ADK: variants seen among roughly 807,000 people sequenced by gnomAD.
ADK encodes the protein N6,N6-dimethyladenosine kinase.
In ADK, 24 loss-of-function variants were observed where a neutral mutation model predicts 44.7. The observed-to-expected ratio is 0.54, with a 90% confidence interval of 0.39 to 0.76. The LOEUF (loss-of-function observed/expected upper bound fraction) is 0.76. ADK is among the 30% of genes least tolerant of loss of function. ADK has a pLI of 0.00. For synonymous variants in ADK, 128 were observed against 142.6 expected, an observed-to-expected ratio of 0.90 and a Z score of 0.73; for missense variants, 321 against 425.1, an observed-to-expected ratio of 0.76 and a Z score of 2.15.
chr10:74,305,318 G>A (rs1398749617), intron 3 of ADK, among the ~76,000 whole-genome samples: 2 of 152,138 alleles, frequency 1.3e-5, no homozygotes, highest in South Asian at 2.1e-4. Flanking sequence ...CTGACAGAGC[G>A]TTTGCTTCTA....
chr10:74,476,008 T>C (rs931597326), intron 6 of ADK, among the ~76,000 whole-genome samples: 1 of 152,174 alleles, frequency 6.6e-6, no homozygotes, highest in Admixed American at 6.5e-5. Context: ...CTGTTACCTA[T>C]GTGTGTTTAT....
chr10:74,461,453 A>T (rs1204615240), intron 6 of ADK, among the ~76,000 whole-genome samples: 1 of 152,130 alleles, frequency 6.6e-6, no homozygotes, highest in East Asian at 1.9e-4. Flanking sequence ...CTGATTTGAA[A>T]TGTGACTTAT....
chr10:74,224,248 C>A (rs10824119), intron 2 of ADK, among the ~76,000 whole-genome samples: 1 of 152,060 alleles, frequency 6.6e-6, no homozygotes, highest in Non-Finnish European at 1.5e-5. Flanking sequence ...TGTAGTTGTT[C>A]CATCAGTTTT....
intron 8 of ADK, among the ~76,000 whole-genome samples, chr10:74,597,133 T>C (rs927891670): frequency 1.1e-4 from 17 of 152,212 alleles, no homozygotes; most frequent in Admixed American, 1.0e-3. Context: ...TTTTAGAGAG[T>C]ATTAAAATGA....
chr10:74,525,436 C>T lies in ADK; in HGVS notation c.726+10C>T, dbSNP rs779381954. ...TTTTGGAAATGAGACAGTGAGTTAC[C>T]TTTCCTTTTTCAAAAGAACCTGGGG... is the stretch of plus-strand genomic sequence containing the variant. On this transcript the variant is annotated intron_variant, in intron 7 of 10. Transcript: ENST00000539909. The T allele has an allele frequency of 6.2e-7, 1 of 1,607,366 alleles. No homozygotes were observed. The highest frequency in any genetic ancestry group is 1.1e-5 in the South Asian group (1 of 90,916).
chr10:74,387,094 G>A (rs971417900), intron 4 of ADK, among the ~76,000 whole-genome samples: 8 of 152,204 alleles, frequency 5.3e-5, no homozygotes, highest in Non-Finnish European at 8.8e-5. Flanking sequence ...GTGCCACCAC[G>A]CCTGGGTAAT....
At chr10:74,605,704 TC>T (rs1362556491) in intron 9 of ADK, among the ~76,000 whole-genome samples, 2 of 152,188 alleles carry the variant, frequency 1.3e-5, no homozygotes, top group African/African-American at 4.8e-5. Context: ...CCTGAAATTT[TC>T]TTTTTTTGTT....
At chr10:74,528,105 A>G (rs1284235307) in intron 7 of ADK, 19 of 1,092,316 alleles carry the variant, frequency 1.7e-5, no homozygotes, top group African/African-American at 3.1e-5. Context: ...TATGTCCATG[A>G]TCCTTATCAG....
At chr10:74,654,369 A>T (rs1004197457) in intron 9 of ADK, among the ~76,000 whole-genome samples, 3 of 152,212 alleles carry the variant, frequency 2.0e-5, no homozygotes. Flanking sequence ...GCTTCTTCCT[A>T]TTCTCCCGCC....
intron 3 of ADK, among the ~76,000 whole-genome samples, chr10:74,313,706 C>CT (rs566862733): frequency 6.5e-4 from 97 of 148,552 alleles, no homozygotes; most frequent in African/African-American, 2.0e-3. Context: ...TATGTTTCAC[C>CT]TTTTTTTTTT....
chr10:74,275,564 A>G (rs1371453853), intron 3 of ADK, among the ~76,000 whole-genome samples: 3 of 152,230 alleles, frequency 2.0e-5, no homozygotes, highest in Non-Finnish European at 4.4e-5. Context: ...CTCTCTAACA[A>G]TAGGAGCTTT....
intron 3 of ADK, among the ~76,000 whole-genome samples, chr10:74,252,445 G>C (rs1247757851): frequency 2.0e-5 from 3 of 152,116 alleles, no homozygotes; most frequent in Non-Finnish European, 4.4e-5. Flanking sequence ...GTTTATCTTT[G>C]TCTGAAGTAA....
At chr10:74,582,169 C>T (rs1443086894) in intron 7 of ADK, among the ~76,000 whole-genome samples, 1 of 152,004 alleles carries the variant, frequency 6.6e-6, no homozygotes, top group Admixed American at 6.5e-5. Flanking sequence ...CAAAAAAATA[C>T]AAAAATTAGC....
At chr10:74,216,543 G>C (rs1487697898) in intron 2 of ADK, among the ~76,000 whole-genome samples, 1 of 151,720 alleles carries the variant, frequency 6.6e-6, no homozygotes, top group African/African-American at 2.4e-5. Context: ...TGGCCAACGT[G>C]GTGAAACTTC....
intron 6 of ADK, among the ~76,000 whole-genome samples, chr10:74,410,857 TTAAA>T (rs1301010355): frequency 6.6e-6 from 1 of 152,228 alleles, no homozygotes; most frequent in African/African-American, 2.4e-5. Context: ...TGACAGTTGA[TTAAA>T]TAATGTCACA....
intron 3 of ADK, among the ~76,000 whole-genome samples, chr10:74,273,448 CTCT>C (rs373072416): frequency 7.3e-5 from 11 of 149,724 alleles, no homozygotes; most frequent in East Asian, 2.0e-4. Flanking sequence ...TTCCCCAAAT[CTCT>C]TCTTCTTCTT....
Position 74,368,876 on chromosome 10 carries a change from C to T in ADK, c.274-25265C>T, listed in dbSNP as rs187060523. 2.6e-5 allele frequency among the ~76,000 whole-genome samples: 4 copies of T among 152,264 alleles called. No homozygotes were observed. The East Asian group carries it at 7.7e-4, about 29-fold the overall frequency. ...CTCCTGACCTCAAGTGATCTGCCTG[C>T]CTTAGCCTCCCAAAGTGCTAGGATT... is the stretch of plus-strand genomic sequence containing the variant. On this transcript the variant is annotated intron_variant, in intron 4 of 10. Transcript: ENST00000539909.
chr10:74,598,739 A>G (rs1332877956), intron 8 of ADK, among the ~76,000 whole-genome samples: 1 of 152,074 alleles, frequency 6.6e-6, no homozygotes, highest in African/African-American at 2.4e-5. Context: ...GTGAGCCACT[A>G]TAACCAGCCA....
intron 4 of ADK, among the ~76,000 whole-genome samples, chr10:74,358,506 A>C (rs193287175): frequency 2.6e-4 from 39 of 152,314 alleles, no homozygotes; most frequent in Admixed American, 1.8e-3. Context: ...TTCTGTTTTG[A>C]AAATCTAGAA....
Sources: gnomAD v4.1 joint callset for allele counts (sites outside exome capture counted in the v4.1 genomes callset) on GRCh38, gnomAD v4.1.1 for gene constraint, MANE v1.5 for transcripts, NCBI Gene and HGNC (gene_info 2026-07-23, HGNC 2026-07-21) for gene names.